The following ERP27 variants were observed in gnomAD, a reference collection of about 807,000 sequenced individuals.
ERP27 encodes endoplasmic reticulum protein 27, also known as endoplasmic reticulum resident protein 27.
In ERP27, 23 loss-of-function variants were observed where a neutral mutation model predicts 27.7. The ratio of observed to expected loss-of-function variants is 0.83; its 90% CI spans 0.60 to 1.18. The LOEUF is 1.18. Ranked by LOEUF, ERP27 falls within the 50% of genes most tolerant of loss-of-function variation. ERP27 has a pLI of 0.00. For synonymous variants in ERP27, 159 were observed against 118.3 expected (o/e 1.34, Z -2.23); for missense variants, 363 against 327.9 (o/e 1.11, Z -0.83).
rs186276076 is a variant in ERP27 at position 14,915,781 on chromosome 12, A to G, written c.577-95T>C. Reference sequence around the variant, plus strand: ...TAATTGTTGCAGCTCACACTGATTGAATTTATGGTCTGCACCATGAAATTG... The same window carrying G: ...TAATTGTTGCAGCTCACACTGATTGGATTTATGGTCTGCACCATGAAATTG... On this transcript the variant is annotated intron_variant, in intron 5 of 6. Transcript: ENST00000266397. 1.2e-3 allele frequency: 1,300 copies of G among 1,084,172 alleles called. 1 individual carries two copies. Among genetic ancestry groups the G allele is most frequent in the Non-Finnish European group, 1.4e-3 (1,044 of 741,976 alleles). 67.2% of individuals were successfully genotyped at this position (1,084,172 alleles called of 1,614,324 possible). A position where few individuals can be genotyped will look rare whatever the true frequency, so the allele number is the denominator to read the frequency against.
Position 14,928,866 on chromosome 12 carries a change from C to T in ERP27, c.333+5990G>A, listed in dbSNP as rs1165982410. 52 of 1,434,648 alleles carry T rather than the reference C, an allele frequency of 3.6e-5. 1 individual carries two copies. The highest frequency in any genetic ancestry group is 2.2e-4 in the South Asian group (18 of 81,788). 88.9% of individuals were successfully genotyped at this position (1,434,648 alleles called of 1,614,324 possible). The stretch of plus-strand genomic sequence containing the variant: ...TCCCCTTCCCTTGCCCATATCAAGA[C>T]GAATGAGTAAAGAAATAAAATGAGC... On this transcript the variant is annotated intron_variant, in intron 3 of 6. Coordinates refer to ENST00000266397, the MANE Select transcript of ERP27 (RefSeq NM_152321.4).
chr12:14,935,386 T>G (rs1863759479), intron 2 of ERP27, among the ~76,000 whole-genome samples: 1 of 152,212 alleles, frequency 6.6e-6, no homozygotes, highest in African/African-American at 2.4e-5. Context: ...CAAACTAACA[T>G]AACCAACTCT....
intron 3 of ERP27, among the ~76,000 whole-genome samples, chr12:14,921,966 A>G (rs1863511030): frequency 6.6e-6 from 1 of 152,192 alleles, no homozygotes; most frequent in Non-Finnish European, 1.5e-5. Flanking sequence ...TAAGTCATTT[A>G]TGTTATTGCA....
chr12:14,923,042 C>G (rs1239505518), intron 3 of ERP27, among the ~76,000 whole-genome samples: 1 of 149,892 alleles, frequency 6.7e-6, no homozygotes, highest in African/African-American at 2.5e-5. Flanking sequence ...CCATTGCACT[C>G]CGGCCTGGGT....
At chr12:14,932,089 TC>T (rs1863705867) in intron 3 of ERP27, among the ~76,000 whole-genome samples, 1 of 152,080 alleles carries the variant, frequency 6.6e-6, no homozygotes, top group African/African-American at 2.4e-5. Context: ...TGAGTTTAGT[TC>T]CCCAAGCACC....
intron 4 of ERP27, among the ~76,000 whole-genome samples, chr12:14,919,522 G>T (rs1381918333): frequency 2.0e-5 from 3 of 152,132 alleles, no homozygotes; most frequent in Non-Finnish European, 4.4e-5. Flanking sequence ...TATGTGTTTG[G>T]AGCCTTAGCA....
In ERP27 at chr12:14,925,624, T is replaced by C. The variant is rs555006054; in HGVS notation, c.334-4576A>G. Among the ~76,000 whole-genome samples, 3 of 152,318 alleles carry C rather than the reference T, an allele frequency of 2.0e-5. No individual in the cohort carries two copies. The East Asian group carries it at 5.8e-4, about 29-fold the overall frequency. ...TTATTGATTTCTAGCTTTATTTTTATATTTTATTTGTATTATTTGTGTCTT... is the reference window on the plus strand; with the variant it reads ...TTATTGATTTCTAGCTTTATTTTTACATTTTATTTGTATTATTTGTGTCTT... On this transcript the variant is annotated intron_variant, in intron 3 of 6. Coordinates refer to ENST00000266397, the MANE Select transcript of ERP27 (RefSeq NM_152321.4).
rs1362017517 is a variant in ERP27, at chr12:14,914,162, C to T, written c.*573G>A. Reference sequence around the variant, plus strand: ...TCTGCTGAGTTCAGGGACTTGGAGACAGCCTTTAACTTCTGGCAAAAAGAC... The same window carrying T: ...TCTGCTGAGTTCAGGGACTTGGAGATAGCCTTTAACTTCTGGCAAAAAGAC... On this transcript the variant is annotated 3_prime_UTR_variant, in exon 7 of 7. Coordinates refer to ENST00000266397, the MANE Select transcript of ERP27 (RefSeq NM_152321.4). 2 of 152,300 alleles carry T rather than the reference C, an allele frequency of 1.3e-5. No homozygotes were observed. The highest frequency in any genetic ancestry group is 1.9e-4 in the East Asian group (1 of 5,198). 9.4% of individuals were successfully genotyped at this position (152,300 alleles called of 1,614,324 possible). A position where few individuals can be genotyped will look rare whatever the true frequency, so the allele number is the denominator to read the frequency against.
chr12:14,919,816 C>T (rs11056241), intron 4 of ERP27, among the ~76,000 whole-genome samples: 5,825 of 152,294 alleles, frequency 0.038, 318 homozygotes, highest in African/African-American at 0.12. Flanking sequence ...TGTGCTAATG[C>T]ATCAGTTACA....
At chr12:14,930,114 A>G (rs1318535061) in intron 3 of ERP27, among the ~76,000 whole-genome samples, 1 of 152,136 alleles carries the variant, frequency 6.6e-6, no homozygotes, top group Non-Finnish European at 1.5e-5. Flanking sequence ...GCAAACCACC[A>G]TGGCACACGT....
At position 14,917,169 on chromosome 12, in the gene ERP27, T is replaced by C; in HGVS notation, c.576+9A>G. 1 of 1,614,144 alleles carries C rather than the reference T, an allele frequency of 6.2e-7. No homozygotes were observed. Among genetic ancestry groups the C allele is most frequent in the African/African-American group, 1.3e-5 (1 of 75,066 alleles). On this transcript the variant is annotated intron_variant, in intron 5 of 6. Coordinates refer to ENST00000266397, the MANE Select transcript of ERP27 (RefSeq NM_152321.4). The stretch of plus-strand genomic sequence containing the variant: ...TGTATGCAATAGGATATTCCCATTC[T>C]TGCCTTACCTTCCCCTGGAAGAGCT...
intron 3 of ERP27, among the ~76,000 whole-genome samples, chr12:14,926,611 G>T (rs1326698925): frequency 1.3e-5 from 2 of 152,068 alleles, no homozygotes; most frequent in East Asian, 1.9e-4. Context: ...CTCAGGGATT[G>T]CCAGAATACA....
chr12:14,938,065 G>C lies in ERP27; in HGVS notation c.95-13C>G. The C allele has an allele frequency of 6.2e-7, 1 of 1,607,556 alleles. No homozygotes were observed. The highest frequency in any genetic ancestry group is 8.5e-7 in the Non-Finnish European group (1 of 1,174,132). On this transcript the variant is annotated splice_polypyrimidine_tract_variant and intron_variant, in intron 1 of 6. Transcript: ENST00000266397. ...GCACCAGGACCATCTAGAGAGAGAA[G>C]CAGAAGATGTCAGGGTACTGAGGCA... is the stretch of plus-strand genomic sequence containing the variant.
rs573977686 is a variant in ERP27 at position 14,935,193 on chromosome 12, G to A, written c.196-200C>T. ...TTTTCCAGGCTCTGTAAGTTAATAGGTAACCACGAAATTGTAGCTGAGCCT... is the reference window on the plus strand; with the variant it reads ...TTTTCCAGGCTCTGTAAGTTAATAGATAACCACGAAATTGTAGCTGAGCCT... On this transcript the variant is annotated intron_variant, in intron 2 of 6. Transcript: ENST00000266397. 6.2e-5 allele frequency: 61 copies of A among 979,290 alleles called. 1 individual carries two copies. Among genetic ancestry groups the A allele is most frequent in the Middle Eastern group, 1.0e-3 (2 of 1,906 alleles). The allele number at this position is 979,290 out of a possible 1,614,324, so 60.7% of individuals were successfully genotyped here.
chr12:14,925,599 T>C (rs1863588093), intron 3 of ERP27, among the ~76,000 whole-genome samples: 1 of 152,170 alleles, frequency 6.6e-6, no homozygotes, highest in Admixed American at 6.5e-5. Flanking sequence ...GGTTATATTC[T>C]TATTGATTTC....
At chr12:14,927,743 G>A (rs893904521) in intron 3 of ERP27, among the ~76,000 whole-genome samples, 4 of 27,420 alleles carry the variant, frequency 1.5e-4, no homozygotes. Flanking sequence ...AATGCCTTCA[G>A]GCACACACAC....
At chr12:14,930,621 T>A (rs1263633972) in intron 3 of ERP27, among the ~76,000 whole-genome samples, 1 of 125,316 alleles carries the variant, frequency 8.0e-6, no homozygotes, top group African/African-American at 3.3e-5. Context: ...GACTGTTATA[T>A]GCAACTTATG....
At chr12:14,938,175 T>C in intron 1 of ERP27, 123 bp from the exon 2 acceptor site, 2 of 829,074 alleles carry the variant, frequency 2.4e-6, no homozygotes, top group Non-Finnish European at 4.0e-6. Flanking sequence ...ATAGGAGTAC[T>C]GTTGGCATTC....
chr12:14,925,334 A>G (rs2120584424), intron 3 of ERP27, among the ~76,000 whole-genome samples: 1 of 152,326 alleles, frequency 6.6e-6, no homozygotes, highest in East Asian at 1.9e-4. Context: ...TCATAAATTA[A>G]GGGTCATTCC....
Sources: allele counts gnomAD v4.1 joint callset (sites outside exome capture counted in the v4.1 genomes callset), GRCh38; gene constraint gnomAD v4.1.1; transcripts MANE v1.5; gene names NCBI Gene and HGNC (gene_info 2026-07-23, HGNC 2026-07-21).